The following GRID2 variants were observed in gnomAD, a reference collection of about 807,000 sequenced individuals.
The protein encoded by GRID2 is glutamate receptor ionotropic, delta-2.
A neutral mutation model predicts 114.8 loss-of-function variants in GRID2; 33 were observed. The ratio of observed to expected loss-of-function variants is 0.29; its 90% CI spans 0.22 to 0.38. The LOEUF (loss-of-function observed/expected upper bound fraction) is 0.38, where lower values mean the gene tolerates loss of function less well. Among genes scored for constraint, GRID2 ranks in the 10% least tolerant of loss-of-function variants. The pLI, the probability that GRID2 is intolerant of heterozygous loss-of-function variation, is 1.00. For synonymous variants in GRID2, 505 were observed against 449.9 expected (o/e 1.12, Z -1.55); for missense variants, 1,184 against 1,257.7 (o/e 0.94, Z 0.89).
At chr4:93,798,210 TTG>T (rs1329559071) in intron 1 of GRID2, among the ~76,000 whole-genome samples, 13 of 152,100 alleles carry the variant, frequency 8.5e-5, no homozygotes, top group Admixed American at 7.9e-4. Flanking sequence ...GTTGTGGAGA[TTG>T]TGCTGTCAAT....
intron 11 of GRID2, among the ~76,000 whole-genome samples, chr4:93,486,811 T>C (rs1726456150): frequency 6.6e-6 from 1 of 151,786 alleles, no homozygotes; most frequent in Non-Finnish European, 1.5e-5. Context: ...AATAACTTTG[T>C]CAGGTTTTGT....
At chr4:93,027,309 T>A (rs958725497) in intron 2 of GRID2, among the ~76,000 whole-genome samples, 1 of 152,070 alleles carries the variant, frequency 6.6e-6, no homozygotes, top group African/African-American at 2.4e-5. Flanking sequence ...ACATACTATT[T>A]TTCACACTTT....
Position 92,557,645 on chromosome 4 carries a change from T to TTATATATATATATA in GRID2, c.89-32483_89-32470dup, listed in dbSNP as rs138046427. Reference sequence around the variant, plus strand: ...TACTTCACTGCATATATATATATGGTTATATATATATATATAACCAAACTG... The same window carrying TTATATATATATATA: ...TACTTCACTGCATATATATATATGGTTATATATATATATATATATATATATATATAACCAAACTG... On this transcript the variant is annotated intron_variant, in intron 1 of 15. Coordinates refer to ENST00000282020, the MANE Select transcript of GRID2 (RefSeq NM_001510.4). Among the ~76,000 whole-genome samples the TTATATATATATATA allele has an allele frequency of 2.8e-3, 399 of 142,580 alleles. 4 individuals carry two copies. The highest frequency in any genetic ancestry group is 4.2e-3 in the Non-Finnish European group (276 of 66,346). The allele number at this position is 142,580 out of a possible 152,430, so 93.5% of individuals were successfully genotyped here. A position where few individuals can be genotyped will look rare whatever the true frequency, so the allele number is the denominator to read the frequency against.
chr4:92,827,027 A>C (rs1458234180), intron 2 of GRID2, among the ~76,000 whole-genome samples: 1 of 152,030 alleles, frequency 6.6e-6, no homozygotes, highest in Non-Finnish European at 1.5e-5. Flanking sequence ...TTTTATGGGA[A>C]GGCTATTGAA....
At chr4:92,838,047 ATTTG>A (rs1324807294) in intron 2 of GRID2, among the ~76,000 whole-genome samples, 1 of 152,082 alleles carries the variant, frequency 6.6e-6, no homozygotes, top group African/African-American at 2.4e-5. Flanking sequence ...TCTAGAAACA[ATTTG>A]TTCTATTACA....
At position 92,400,729 on chromosome 4, in the gene GRID2, G is replaced by A. The variant is rs114108064; in HGVS notation, c.88+95985G>A. Among the ~76,000 whole-genome samples, 1,087 of 151,506 alleles carry A rather than the reference G, an allele frequency of 7.2e-3. 13 individuals are homozygous for A. Among genetic ancestry groups the A allele is most frequent in the African/African-American group, 0.023 (934 of 41,340 alleles). On this transcript the variant is annotated intron_variant, in intron 1 of 15. Coordinates refer to ENST00000282020, the MANE Select transcript of GRID2 (RefSeq NM_001510.4). ...GCCATTTTACATTACCACCATTAACGCATGAAGGTTCTTATTTCTCTTTAC... is the reference window on the plus strand; with the variant it reads ...GCCATTTTACATTACCACCATTAACACATGAAGGTTCTTATTTCTCTTTAC...
intron 2 of GRID2, among the ~76,000 whole-genome samples, chr4:93,003,545 G>A (rs776562557): frequency 4.6e-5 from 7 of 151,914 alleles, no homozygotes; most frequent in Non-Finnish European, 1.0e-4. Flanking sequence ...ACATACATTT[G>A]TGATATTACT....
chr4:93,237,128 C>G (rs772341655), intron 7 of GRID2, among the ~76,000 whole-genome samples: 19 of 151,694 alleles, frequency 1.3e-4, no homozygotes, highest in Non-Finnish European at 2.2e-4. Flanking sequence ...ATTGGTGAAA[C>G]CCAGGAAGTG....
intron 2 of GRID2, among the ~76,000 whole-genome samples, chr4:93,022,718 ATC>A: frequency 1.3e-5 from 2 of 152,066 alleles, no homozygotes; most frequent in South Asian, 4.1e-4. Flanking sequence ...AATTATAAGT[ATC>A]TATTTAGTCA....
intron 8 of GRID2, among the ~76,000 whole-genome samples, chr4:93,270,612 CTTGTTT>C (rs1353238570): frequency 6.6e-6 from 1 of 151,786 alleles, no homozygotes; most frequent in African/African-American, 2.4e-5. Flanking sequence ...TTTTCTTCTT[CTTGTTT>C]TTGTTTTTGT....
intron 2 of GRID2, among the ~76,000 whole-genome samples, chr4:92,793,560 AAAAG>A (rs924453400): frequency 3.3e-5 from 5 of 151,896 alleles, no homozygotes; most frequent in African/African-American, 9.7e-5. Context: ...ATTAAAAAAA[AAAAG>A]AAAATAGTTG....
intron 2 of GRID2, among the ~76,000 whole-genome samples, chr4:92,632,613 C>T (rs988025144): frequency 6.6e-6 from 1 of 150,552 alleles, no homozygotes; most frequent in African/African-American, 2.5e-5. Flanking sequence ...GCCTGAGCCA[C>T]GGAGCGAGAT....
At chr4:92,811,104 A>G (rs1346989911) in intron 2 of GRID2, among the ~76,000 whole-genome samples, 1 of 152,124 alleles carries the variant, frequency 6.6e-6, no homozygotes, top group Non-Finnish European at 1.5e-5. Flanking sequence ...TTTTTAGTTC[A>G]CCTGGTACCA....
intron 4 of GRID2, among the ~76,000 whole-genome samples, chr4:93,204,768 C>T (rs562587949): frequency 1.6e-4 from 24 of 152,268 alleles, no homozygotes; most frequent in African/African-American, 5.3e-4. Flanking sequence ...TTGCACAAAA[C>T]AACTTCTCAT....
chr4:92,885,461 C>T (rs536638117), intron 2 of GRID2, among the ~76,000 whole-genome samples: 2 of 152,292 alleles, frequency 1.3e-5, no homozygotes, highest in South Asian at 2.1e-4. Flanking sequence ...TAACTCAGCT[C>T]TCACTTGTTC....
chr4:93,602,279 A>G (rs1432877457), intron 13 of GRID2, among the ~76,000 whole-genome samples: 9 of 152,154 alleles, frequency 5.9e-5, no homozygotes, highest in African/African-American at 1.9e-4. Context: ...AAGGCAATCA[A>G]TTTAGTTAAG....
At chr4:93,638,203 T>G (rs1721591531) in intron 14 of GRID2, among the ~76,000 whole-genome samples, 1 of 152,088 alleles carries the variant, frequency 6.6e-6, no homozygotes, top group Non-Finnish European at 1.5e-5. Flanking sequence ...TATAAAGCTC[T>G]TTATTTTTTA....
chr4:92,765,010 A>G (rs1738191076), intron 2 of GRID2, among the ~76,000 whole-genome samples: 1 of 152,148 alleles, frequency 6.6e-6, no homozygotes, highest in Non-Finnish European at 1.5e-5. Flanking sequence ...TCTTTATAAC[A>G]CTTTTAAAAA....
intron 2 of GRID2, among the ~76,000 whole-genome samples, chr4:92,761,767 G>A (rs1239281507): frequency 6.6e-6 from 1 of 152,092 alleles, no homozygotes; most frequent in Non-Finnish European, 1.5e-5. Flanking sequence ...ATAATGCACA[G>A]CTGGTGAGGA....
Sources: allele counts gnomAD v4.1 joint callset (sites outside exome capture counted in the v4.1 genomes callset), GRCh38; gene constraint gnomAD v4.1.1; transcripts MANE v1.5; gene names NCBI Gene and HGNC (gene_info 2026-07-23, HGNC 2026-07-21).